GRIN2B: variants seen among roughly 807,000 people sequenced by gnomAD.
The protein encoded by GRIN2B is glutamate ionotropic receptor NMDA type subunit 2B.
GRIN2B carries 5 observed loss-of-function variants against 114.5 expected under a neutral mutation model. The observed-to-expected ratio is 0.04, with a 90% confidence interval of 0.02 to 0.09. The LOEUF is 0.09. GRIN2B is among the 10% of genes least tolerant of loss of function. The probability of loss-of-function intolerance (pLI) is 1.00; values close to 1 mark genes in which losing one functional copy is unlikely to be tolerated. For missense variants in GRIN2B, 1,108 were observed against 1,943.5 expected (o/e 0.57, Z 8.08); for synonymous variants, 787 against 745.1 (o/e 1.06, Z -0.92).
chr12:13,828,631 C>G (rs1358993917), intron 3 of GRIN2B, among the ~76,000 whole-genome samples: 3 of 152,136 alleles, frequency 2.0e-5, no homozygotes, highest in African/African-American at 4.8e-5. Flanking sequence ...GGTAAACAGC[C>G]TAGAAAAACC....
chr12:13,791,458 AAAAAT>A (rs1388264396), intron 3 of GRIN2B, among the ~76,000 whole-genome samples: 5 of 144,576 alleles, frequency 3.5e-5, no homozygotes, highest in Non-Finnish European at 7.6e-5. Flanking sequence ...TCTCAAAAAA[AAAAAT>A]AAAAAAAAAA....
At chr12:13,670,472 T>G (rs1272852198) in intron 5 of GRIN2B, 1 of 152,174 alleles carries the variant, frequency 6.6e-6, no homozygotes, top group Non-Finnish European at 1.5e-5. Flanking sequence ...AAGTCATTAC[T>G]CAGAGCACAC....
At chr12:13,866,284 A>C in intron 2 of GRIN2B, 58 bp from the exon 3 acceptor site, 1 of 1,454,474 alleles carries the variant, frequency 6.9e-7, no homozygotes, top group Non-Finnish European at 9.5e-7. Flanking sequence ...AACCTGTCTT[A>C]GAAGAGGCTA....
intron 4 of GRIN2B, among the ~76,000 whole-genome samples, chr12:13,721,685 T>C (rs1351177256): frequency 1.3e-5 from 2 of 151,756 alleles, no homozygotes; most frequent in East Asian, 1.9e-4. Flanking sequence ...AACTAGAGAG[T>C]CTAGTCTAGA....
intron 2 of GRIN2B, among the ~76,000 whole-genome samples, chr12:13,959,050 G>C (rs1214060526): frequency 9.9e-5 from 15 of 152,190 alleles, no homozygotes; most frequent in African/African-American, 3.6e-4. Flanking sequence ...ATCAGCAAGT[G>C]TAAATTAATG....
intron 10 of GRIN2B, among the ~76,000 whole-genome samples, chr12:13,581,297 T>C (rs1034402367): frequency 2.6e-5 from 4 of 152,216 alleles, no homozygotes; most frequent in Non-Finnish European, 5.9e-5. Context: ...TTATCTTCCT[T>C]AGCCCAGGGG....
At chr12:13,911,728 G>T (rs1037159993) in intron 2 of GRIN2B, among the ~76,000 whole-genome samples, 1 of 152,126 alleles carries the variant, frequency 6.6e-6, no homozygotes, top group African/African-American at 2.4e-5. Context: ...TTCCACAGGG[G>T]TGCTGTGGTC....
At chr12:13,929,854 T>C (rs1362644939) in intron 2 of GRIN2B, among the ~76,000 whole-genome samples, 2 of 152,200 alleles carry the variant, frequency 1.3e-5, no homozygotes, top group Non-Finnish European at 2.9e-5. Context: ...TTAAGTGAGA[T>C]ACATATTAAA....
intron 5 of GRIN2B, among the ~76,000 whole-genome samples, chr12:13,650,467 T>C (rs780399611): frequency 3.9e-5 from 6 of 152,100 alleles, no homozygotes; most frequent in African/African-American, 7.2e-5. Context: ...ACTAAGATGA[T>C]AGAAAATCCC....
intron 2 of GRIN2B, among the ~76,000 whole-genome samples, chr12:13,933,235 A>G (rs570328716): frequency 2.0e-5 from 3 of 152,210 alleles, no homozygotes; most frequent in Admixed American, 1.3e-4. Context: ...ACTCTCTTCA[A>G]TTAAACCCTT....
At chr12:13,606,176 T>C (rs569431726) in intron 10 of GRIN2B, among the ~76,000 whole-genome samples, 1 of 152,140 alleles carries the variant, frequency 6.6e-6, no homozygotes, top group Non-Finnish European at 1.5e-5. Flanking sequence ...TTAGTGCATT[T>C]TATGTTGCTA....
intron 3 of GRIN2B, among the ~76,000 whole-genome samples, chr12:13,776,543 C>T (rs1234344901): frequency 1.3e-5 from 2 of 152,038 alleles, no homozygotes; most frequent in African/African-American, 2.4e-5. Flanking sequence ...AGATATAGTC[C>T]TTGAAAATTA....
rs576015413 is a variant in GRIN2B, at chr12:13,559,621, T to C, written c.*3162A>G. On this transcript the variant is annotated 3_prime_UTR_variant, in exon 14 of 14. Transcript: ENST00000609686. The stretch of plus-strand genomic sequence containing the variant: ...AAGGGAATCATCTCACCACTGAGTT[T>C]CTAGTGGATCCCATCATCTTTTCTA... 97 of 152,304 alleles carry C rather than the reference T, an allele frequency of 6.4e-4. No individual in the cohort carries two copies. The highest frequency in any genetic ancestry group is 2.3e-3 in the African/African-American group (94 of 41,560). The allele number at this position is 152,304 out of a possible 1,614,324, so 9.4% of individuals were successfully genotyped here. A position where few individuals can be genotyped will look rare whatever the true frequency, so the allele number is the denominator to read the frequency against.
intron 3 of GRIN2B, among the ~76,000 whole-genome samples, chr12:13,829,601 T>C (rs1265251283): frequency 7.2e-5 from 11 of 152,198 alleles, no homozygotes; most frequent in Admixed American, 7.2e-4. Context: ...GCAGGTTAAC[T>C]AAGTCTTGGT....
intron 5 of GRIN2B, 46 bp from the exon 6 acceptor site, chr12:13,616,703 T>A (rs781242836): frequency 7.0e-7 from 1 of 1,427,994 alleles, no homozygotes; most frequent in Non-Finnish European, 9.9e-7. Flanking sequence ...GGCCACAACA[T>A]AACAAACAGC....
intron 2 of GRIN2B, among the ~76,000 whole-genome samples, chr12:13,971,958 G>T (rs1862930974): frequency 6.6e-6 from 1 of 152,018 alleles, no homozygotes; most frequent in Non-Finnish European, 1.5e-5. Context: ...TTAACTTCTG[G>T]CCCAGGGACC....
intron 2 of GRIN2B, among the ~76,000 whole-genome samples, chr12:13,953,553 T>G (rs1387830319): frequency 2.0e-5 from 3 of 152,226 alleles, no homozygotes; most frequent in Non-Finnish European, 4.4e-5. Flanking sequence ...GCCAAATAGA[T>G]TCTGGCTAGG....
chr12:13,902,325 G>A (rs539709732), intron 2 of GRIN2B, among the ~76,000 whole-genome samples: 1 of 151,916 alleles, frequency 6.6e-6, no homozygotes, highest in East Asian at 1.9e-4. Flanking sequence ...TCGTTTAGGG[G>A]GCAAGTTAAT....
rs1948713040 is a variant in GRIN2B, at chr12:13,571,855, C to T, written c.2120G>A (p.Gly707Glu). 1 of 1,614,078 alleles carries T rather than the reference C, an allele frequency of 6.2e-7. No homozygotes were observed. The highest frequency in any genetic ancestry group is 8.5e-7 in the Non-Finnish European group (1 of 1,179,928). ...NNYAEMHAYM[G>E]KFNQRGVDDA... The stretch of plus-strand genomic sequence containing the variant: ...ATCTACACCCCTCTGGTTGAACTTT[C>T]CCATGTAGGCATGCATTTCTGCATA... The change falls in exon 11 of 14, where the codon GGA becomes GAA. Residue 707 changes from glycine (G) to glutamate (E), a missense_variant. Gly to Glu is a moderately conservative substitution (Grantham distance 98). Coordinates refer to ENST00000609686, the MANE Select transcript of GRIN2B (RefSeq NM_000834.5).
Sources: gnomAD v4.1 joint callset for allele counts (sites outside exome capture counted in the v4.1 genomes callset) on GRCh38, gnomAD v4.1.1 for gene constraint, MANE v1.5 for transcripts, NCBI Gene and HGNC (gene_info 2026-07-23, HGNC 2026-07-21) for gene names.